ZNF644: variants seen among roughly 807,000 people sequenced by gnomAD.
ZNF644 encodes zinc finger protein 644.
ZNF644 carries 20 observed loss-of-function variants against 108.0 expected under a neutral mutation model. The ratio of observed to expected loss-of-function variants is 0.19; its 90% CI spans 0.13 to 0.27. The LOEUF (loss-of-function observed/expected upper bound fraction) is 0.27. Among genes scored for constraint, ZNF644 ranks in the 10% least tolerant of loss-of-function variants. The pLI is 1.00. For missense variants in ZNF644, 1,338 were observed against 1,548.9 expected (o/e 0.86, Z 2.29); for synonymous variants, 542 against 539.1 (o/e 1.01, Z -0.08).
chr1:90,953,659 TA>T (rs1653431841), intron 2 of ZNF644, among the ~76,000 whole-genome samples: 2 of 152,198 alleles, frequency 1.3e-5, no homozygotes, highest in African/African-American at 4.8e-5. Flanking sequence ...CTCACACCTG[TA>T]ATCCCACACT....
intron 1 of ZNF644, among the ~76,000 whole-genome samples, chr1:90,987,810 C>T (rs1657254670): frequency 6.6e-6 from 1 of 151,980 alleles, no homozygotes; most frequent in Non-Finnish European, 1.5e-5. Context: ...AATTCAGCAG[C>T]ACATTAAAAG....
chr1:90,955,237 G>T (rs1304504972), intron 2 of ZNF644, among the ~76,000 whole-genome samples: 1 of 152,196 alleles, frequency 6.6e-6, no homozygotes, highest in Non-Finnish European at 1.5e-5. Context: ...TTCATTTATA[G>T]AGCACAGGTA....
intron 1 of ZNF644, among the ~76,000 whole-genome samples, chr1:91,009,665 CA>C (rs35969374): frequency 1.3e-5 from 2 of 152,086 alleles, no homozygotes; most frequent in Non-Finnish European, 2.9e-5. Context: ...ATTCAGCATA[CA>C]AGTACAAGCT....
intron 2 of ZNF644, among the ~76,000 whole-genome samples, chr1:90,981,737 G>A (rs1197538006): frequency 2.6e-5 from 4 of 151,986 alleles, no homozygotes; most frequent in Non-Finnish European, 5.9e-5. Context: ...GCCTTAGAAA[G>A]CTAATCAGAA....
chr1:90,929,345 T>C (rs1010680962), intron 4 of ZNF644, among the ~76,000 whole-genome samples: 4 of 152,226 alleles, frequency 2.6e-5, no homozygotes, highest in African/African-American at 9.6e-5. Context: ...AATCCTTTCC[T>C]AATTTCTCTG....
chr1:90,963,682 TTC>T (rs1212088574), intron 2 of ZNF644, among the ~76,000 whole-genome samples: 1 of 152,118 alleles, frequency 6.6e-6, no homozygotes, highest in Non-Finnish European at 1.5e-5. Flanking sequence ...AAAATAATAC[TTC>T]TGTATATTTC....
intron 2 of ZNF644, among the ~76,000 whole-genome samples, chr1:90,954,452 G>A (rs1420076213): frequency 6.6e-6 from 1 of 151,800 alleles, no homozygotes; most frequent in African/African-American, 2.4e-5. Context: ...TGTTGCCCAG[G>A]ATGGAGTGCA....
chr1:90,919,383 C>T (rs982337245), intron 4 of ZNF644, among the ~76,000 whole-genome samples: 4 of 152,026 alleles, frequency 2.6e-5, no homozygotes, highest in South Asian at 2.1e-4. Context: ...CTCTGTGAAA[C>T]GAATTGTTCA....
chr1:91,020,444 T>C (rs1660804596), intron 1 of ZNF644: 1 of 152,232 alleles, frequency 6.6e-6, no homozygotes. Context: ...ATAATTGCAG[T>C]ATAACTTTAA....
At chr1:90,968,432 G>T (rs542308422) in intron 2 of ZNF644, among the ~76,000 whole-genome samples, 9 of 152,030 alleles carry the variant, frequency 5.9e-5, no homozygotes, top group East Asian at 1.9e-4. Flanking sequence ...TTCGGTTTTG[G>T]GGGGGGAGCC....
intron 2 of ZNF644, among the ~76,000 whole-genome samples, chr1:90,970,152 A>G (rs527455850): frequency 6.6e-5 from 10 of 152,354 alleles, no homozygotes; most frequent in Admixed American, 6.5e-4. Flanking sequence ...TACAGCAATT[A>G]GATTAATATC....
Position 90,940,198 on chromosome 1 carries a change from T to C in ZNF644, c.1156A>G (p.Thr386Ala), listed in dbSNP as rs755920956. ...PVHTSTFLSN[T>A]LKKKCEESDS... ...CTCTCTTCACATTTCTTTTTTAAGG[T>C]ATTTGAAAGAAAAGTGCTAGTATGA... is the stretch of plus-strand genomic sequence containing the variant. The change falls in exon 3 of 6, where the codon ACC (threonine) becomes GCC (alanine). Residue 386 changes from threonine to alanine, a missense_variant. Physicochemically the swap from Thr to Ala is moderately conservative, Grantham distance 58. Coordinates refer to ENST00000337393, the MANE Select transcript of ZNF644 (RefSeq NM_201269.3). 1 of 1,614,012 alleles carries C rather than the reference T, an allele frequency of 6.2e-7. No homozygotes were observed. The highest frequency in any genetic ancestry group is 1.6e-4 in the Middle Eastern group (1 of 6,062).
chr1:90,929,772 G>A (rs900851446), intron 4 of ZNF644, among the ~76,000 whole-genome samples: 1 of 152,040 alleles, frequency 6.6e-6, no homozygotes, highest in African/African-American at 2.4e-5. Flanking sequence ...AGTCCTGTGT[G>A]GCCAATTATA....
chr1:90,961,566 GCAAGTATAAGAATC>G, intron 2 of ZNF644, among the ~76,000 whole-genome samples: 1 of 152,198 alleles, frequency 6.6e-6, no homozygotes, highest in Non-Finnish European at 1.5e-5. Context: ...CTGAACTGAA[GCAAGTATAAGAATC>G]CAACTGTCTT....
intron 4 of ZNF644, among the ~76,000 whole-genome samples, chr1:90,920,184 G>C (rs552595605): frequency 1.5e-4 from 23 of 151,992 alleles, no homozygotes; most frequent in African/African-American, 5.5e-4. Context: ...GTCTGTGTTA[G>C]GCAGAATAGA....
intron 1 of ZNF644, among the ~76,000 whole-genome samples, chr1:91,009,780 A>G (rs1659774956): frequency 6.6e-6 from 1 of 152,222 alleles, no homozygotes; most frequent in Non-Finnish European, 1.5e-5. Flanking sequence ...AGGCCAAGCC[A>G]GTTTTTTTAA....
chr1:90,983,204 CA>C (rs1351573211), intron 1 of ZNF644, among the ~76,000 whole-genome samples: 1 of 151,952 alleles, frequency 6.6e-6, no homozygotes, highest in Non-Finnish European at 1.5e-5. Context: ...GTTTTATTTC[CA>C]AACTATCATC....
intron 2 of ZNF644, among the ~76,000 whole-genome samples, chr1:90,969,875 G>GATTAT: frequency 6.6e-6 from 1 of 152,126 alleles, no homozygotes; most frequent in Non-Finnish European, 1.5e-5. Context: ...GGATTAGGTA[G>GATTAT]GTCTACTGTA....
chr1:90,966,596 A>G (rs1326854241), intron 2 of ZNF644, among the ~76,000 whole-genome samples: 1 of 151,964 alleles, frequency 6.6e-6, no homozygotes, highest in Non-Finnish European at 1.5e-5. Flanking sequence ...TTAAAAATAT[A>G]AAAATTAGCC....
Sources: gnomAD v4.1 joint callset for allele counts (sites outside exome capture counted in the v4.1 genomes callset) on GRCh38, gnomAD v4.1.1 for gene constraint, MANE v1.5 for transcripts, NCBI Gene and HGNC (gene_info 2026-07-23, HGNC 2026-07-21) for gene names.